GALNT13: variants seen among roughly 807,000 people sequenced by gnomAD.
GALNT13 encodes the protein UDP-GalNAc:polypeptide N-acetylgalactosaminyltransferase 13.
A neutral mutation model predicts 64.2 loss-of-function variants in GALNT13; 28 were observed. The ratio of observed to expected loss-of-function variants is 0.44; its 90% CI spans 0.32 to 0.60. The LOEUF (loss-of-function observed/expected upper bound fraction) is 0.60. Ranked by LOEUF, GALNT13 falls within the 20% of genes least tolerant of loss-of-function variation. The pLI, the probability that GALNT13 is intolerant of heterozygous loss-of-function variation, is 0.05. For synonymous variants in GALNT13, 214 were observed against 224.6 expected, an observed-to-expected ratio of 0.95 and a Z score of 0.42; for missense variants, 577 against 669.8, an observed-to-expected ratio of 0.86 and a Z score of 1.53.
chr2:154,434,728 G>A (rs1700868474), intron 11 of GALNT13, among the ~76,000 whole-genome samples: 1 of 152,044 alleles, frequency 6.6e-6, no homozygotes, highest in East Asian at 1.9e-4. Context: ...TAATTTTACA[G>A]TTGAGACAAC....
chr2:153,827,497 C>T, the GALNT13 span, among the ~76,000 whole-genome samples: 1 of 151,952 alleles, frequency 6.6e-6, no homozygotes, highest in Non-Finnish European at 1.5e-5. Context: ...TGGTTGTGGA[C>T]ACCTGTAGTC....
intron 8 of GALNT13, among the ~76,000 whole-genome samples, chr2:154,267,594 A>G (rs988546526): frequency 1.3e-5 from 2 of 152,098 alleles, no homozygotes; most frequent in Non-Finnish European, 2.9e-5. Flanking sequence ...GAGCCGAGAT[A>G]GTGCCACTGC....
chr2:153,173,715 A>T, the GALNT13 span, among the ~76,000 whole-genome samples: 1 of 152,160 alleles, frequency 6.6e-6, no homozygotes, highest in Non-Finnish European at 1.5e-5. Flanking sequence ...AACATTGCTA[A>T]AAGTCTTCAT....
chr2:154,141,693 C>T (rs1683268810), intron 4 of GALNT13, among the ~76,000 whole-genome samples: 1 of 152,112 alleles, frequency 6.6e-6, no homozygotes, highest in Non-Finnish European at 1.5e-5. Flanking sequence ...AAAAGTATAC[C>T]TGCATTGCTT....
chr2:153,990,202 C>A (rs892542130), intron 3 of GALNT13, among the ~76,000 whole-genome samples: 3 of 151,930 alleles, frequency 2.0e-5, no homozygotes, highest in Admixed American at 2.0e-4. Flanking sequence ...TGCTCAAAAT[C>A]AGACAATTAG....
chr2:154,322,046 A>C (rs927606874), intron 9 of GALNT13, among the ~76,000 whole-genome samples: 1 of 149,270 alleles, frequency 6.7e-6, no homozygotes, highest in African/African-American at 2.5e-5. Flanking sequence ...GTTCCCATTT[A>C]TGGAATTCAC....
At chr2:153,336,644 A>G in the GALNT13 span, among the ~76,000 whole-genome samples, 1 of 152,142 alleles carries the variant, frequency 6.6e-6, no homozygotes, top group Non-Finnish European at 1.5e-5. Context: ...TAGACAGAAG[A>G]GACTTGCCTT....
chr2:154,224,752 A>C (rs576935278), intron 4 of GALNT13, among the ~76,000 whole-genome samples: 1 of 152,254 alleles, frequency 6.6e-6, no homozygotes, highest in Non-Finnish European at 1.5e-5. Context: ...TCAGAAGAAA[A>C]GAATAAGCTG....
intron 2 of GALNT13, among the ~76,000 whole-genome samples, chr2:153,905,662 C>T (rs1213058518): frequency 6.6e-6 from 1 of 151,946 alleles, no homozygotes; most frequent in Non-Finnish European, 1.5e-5. Context: ...TAACATAAAT[C>T]TCTTGTTCTT....
chr2:153,378,913 G>T, the GALNT13 span, among the ~76,000 whole-genome samples: 1 of 152,042 alleles, frequency 6.6e-6, no homozygotes, highest in African/African-American at 2.4e-5. Context: ...AATTAATTGG[G>T]TTTCTATTTC....
the GALNT13 span, among the ~76,000 whole-genome samples, chr2:153,627,309 A>G: frequency 6.6e-6 from 1 of 152,068 alleles, no homozygotes; most frequent in East Asian, 1.9e-4. Context: ...TGGTATTTTT[A>G]AGTCAATTGA....
In GALNT13 at chr2:154,117,748, C is replaced by A. The variant is rs570897011; in HGVS notation, c.143-22589C>A. Among the ~76,000 whole-genome samples the A allele has an allele frequency of 3.3e-5, 5 of 152,242 alleles. No homozygotes were observed. The South Asian group carries it at 6.2e-4, about 19-fold the overall frequency. On this transcript the variant is annotated intron_variant, in intron 3 of 12. Transcript: ENST00000392825. ...AACATAAAGTGGGGGAAAGGACTCCCTGTTCAAAAAATGGTGCTGGGATCA... is the reference window on the plus strand; with the variant it reads ...AACATAAAGTGGGGGAAAGGACTCCATGTTCAAAAAATGGTGCTGGGATCA...
intron 3 of GALNT13, among the ~76,000 whole-genome samples, chr2:153,964,734 G>A (rs191046054): frequency 2.6e-5 from 4 of 151,650 alleles, no homozygotes; most frequent in Admixed American, 6.6e-5. Flanking sequence ...AATATTCATT[G>A]TAGAAAAAAA....
intron 4 of GALNT13, among the ~76,000 whole-genome samples, chr2:154,189,771 A>G (rs1686468702): frequency 6.6e-6 from 1 of 152,136 alleles, no homozygotes; most frequent in African/African-American, 2.4e-5. Context: ...TTATTCCACC[A>G]TCCACTCCTA....
the GALNT13 span, among the ~76,000 whole-genome samples, chr2:153,116,559 A>C: frequency 1.3e-5 from 2 of 152,150 alleles, no homozygotes; most frequent in South Asian, 4.1e-4. Context: ...AATCACTTAC[A>C]TTATGTGTCA....
intron 3 of GALNT13, among the ~76,000 whole-genome samples, chr2:153,963,157 C>A (rs1234759984): frequency 6.6e-6 from 1 of 152,138 alleles, no homozygotes; most frequent in Non-Finnish European, 1.5e-5. Context: ...GCATTGTTGT[C>A]TTTATGTGCC....
chr2:154,256,760 G>A (rs1690399319), intron 7 of GALNT13, among the ~76,000 whole-genome samples: 1 of 152,122 alleles, frequency 6.6e-6, no homozygotes, highest in Non-Finnish European at 1.5e-5. Context: ...TGTGTGGTAG[G>A]TAGTGTTCAC....
intron 9 of GALNT13, among the ~76,000 whole-genome samples, chr2:154,329,168 C>T (rs1394886364): frequency 6.6e-6 from 1 of 152,216 alleles, no homozygotes; most frequent in East Asian, 1.9e-4. Context: ...TGCAATGGCG[C>T]AATCTCGGCT....
At chr2:153,073,165 G>A in the GALNT13 span, among the ~76,000 whole-genome samples, 1 of 152,036 alleles carries the variant, frequency 6.6e-6, no homozygotes, top group East Asian at 1.9e-4. Flanking sequence ...TATTTAATAA[G>A]GTCATGGATA....
Sources: allele counts gnomAD v4.1 joint callset (sites outside exome capture counted in the v4.1 genomes callset), GRCh38; gene constraint gnomAD v4.1.1; transcripts MANE v1.5; gene names NCBI Gene and HGNC (gene_info 2026-07-23, HGNC 2026-07-21).